Variants in PRKRIP1 observed in about 807,000 individuals in gnomAD.
The protein encoded by PRKRIP1 is PRKR-interacting protein 1.
In PRKRIP1, 29 loss-of-function variants were observed where a neutral mutation model predicts 29.3. The ratio of observed to expected loss-of-function variants is 0.99; its 90% CI spans 0.74 to 1.35. The LOEUF (loss-of-function observed/expected upper bound fraction) is 1.35. Among genes scored for constraint, PRKRIP1 ranks in the 40% most tolerant of loss-of-function variants. The probability of loss-of-function intolerance (pLI) is 0.00; values close to 1 mark genes in which losing one functional copy is unlikely to be tolerated. For missense variants in PRKRIP1, 247 were observed against 236.8 expected (o/e 1.04, Z -0.28); for synonymous variants, 90 against 85.1 (o/e 1.06, Z -0.32).
At chr7:102,396,582 C>T (rs782247526) in intron 1 of PRKRIP1, 45 bp downstream of exon 1, 20 of 1,582,020 alleles carry the variant, frequency 1.3e-5, no homozygotes, top group South Asian at 3.4e-5. Context: ...GGCCCACCCC[C>T]TTCCTCTGCA....
intron 3 of PRKRIP1, 86 bp from the exon 4 acceptor site, chr7:102,404,512 C>T: frequency 9.1e-7 from 1 of 1,095,404 alleles, no homozygotes; most frequent in Non-Finnish European, 1.4e-6. Flanking sequence ...GGTGTGACTT[C>T]TAGAACTCTC....
intron 5 of PRKRIP1, among the ~76,000 whole-genome samples, chr7:102,422,181 TTATTATTATC>T (rs1796712820): frequency 1.4e-5 from 2 of 142,664 alleles, no homozygotes; most frequent in Non-Finnish European, 3.1e-5. Flanking sequence ...ATTATTATGA[TTATTATTATC>T]AGAGACGGAT....
chr7:102,415,753 C>G (rs1454783695), intron 5 of PRKRIP1, among the ~76,000 whole-genome samples: 1 of 152,216 alleles, frequency 6.6e-6, no homozygotes, highest in Non-Finnish European at 1.5e-5. Context: ...GTGATGGCAC[C>G]CACAAAGCTG....
chr7:102,402,958 T>C (rs1796112922), intron 3 of PRKRIP1, among the ~76,000 whole-genome samples: 1 of 151,992 alleles, frequency 6.6e-6, no homozygotes, highest in Non-Finnish European at 1.5e-5. Context: ...TGCTGCAGCC[T>C]CTGCCTCCTG....
chr7:102,420,781 G>A (rs187048213), intron 5 of PRKRIP1, among the ~76,000 whole-genome samples: 67 of 152,242 alleles, frequency 4.4e-4, no homozygotes, highest in African/African-American at 1.5e-3. Flanking sequence ...CTGACATGAC[G>A]CTCCAAGTAG....
intron 4 of PRKRIP1, among the ~76,000 whole-genome samples, chr7:102,407,115 C>T (rs573813034): frequency 6.6e-6 from 1 of 151,160 alleles, no homozygotes; most frequent in Admixed American, 6.6e-5. Flanking sequence ...CTCAGGAGGC[C>T]GAGGCAGGAG....
At chr7:102,403,465 C>G (rs1202718353) in intron 3 of PRKRIP1, among the ~76,000 whole-genome samples, 2 of 152,290 alleles carry the variant, frequency 1.3e-5, no homozygotes, top group South Asian at 2.1e-4. Flanking sequence ...AGAGATGACA[C>G]TTTGAATCAG....
At chr7:102,416,278 T>G (rs1490280267) in intron 5 of PRKRIP1, among the ~76,000 whole-genome samples, 1 of 152,236 alleles carries the variant, frequency 6.6e-6, no homozygotes, top group Non-Finnish European at 1.5e-5. Context: ...TACAGAGCGT[T>G]CTCATATATC....
intron 2 of PRKRIP1, among the ~76,000 whole-genome samples, chr7:102,399,177 C>T (rs988224898): frequency 6.6e-6 from 1 of 152,150 alleles, no homozygotes; most frequent in African/African-American, 2.4e-5. Flanking sequence ...GATTGTTCTA[C>T]ATATACAACT....
At chr7:102,414,522 T>A (rs1796478804) in intron 5 of PRKRIP1, among the ~76,000 whole-genome samples, 1 of 152,240 alleles carries the variant, frequency 6.6e-6, no homozygotes, top group Admixed American at 6.5e-5. Flanking sequence ...GTAGATTGAT[T>A]CCAGTACTTG....
chr7:102,409,110 G>T (rs758282801), intron 5 of PRKRIP1, among the ~76,000 whole-genome samples: 8 of 152,054 alleles, frequency 5.3e-5, no homozygotes, highest in Non-Finnish European at 1.2e-4. Flanking sequence ...GGAGGCAGAG[G>T]TTGCAGTGAG....
At chr7:102,401,255 C>G (rs781998561) in intron 3 of PRKRIP1, among the ~76,000 whole-genome samples, 1 of 152,134 alleles carries the variant, frequency 6.6e-6, no homozygotes, top group Non-Finnish European at 1.5e-5. Flanking sequence ...TAAAGAAAAT[C>G]CAGCACAACA....
chr7:102,419,845 T>TTGTGTGTGTG (rs56752508), intron 5 of PRKRIP1, among the ~76,000 whole-genome samples: 20 of 142,818 alleles, frequency 1.4e-4, no homozygotes, highest in African/African-American at 4.6e-4. Flanking sequence ...TTTTGTGTTT[T>TTGTGTGTGTG]TGTGTGTGTG....
chr7:102,396,654 A>G (rs1795907658), intron 1 of PRKRIP1, 117 bp downstream of exon 1: 1 of 1,119,878 alleles, frequency 8.9e-7, no homozygotes, highest in African/African-American at 1.6e-5. Flanking sequence ...TCAGTATCCG[A>G]CCCTCCAAGA....
chr7:102,403,587 C>T (rs1277289616), intron 3 of PRKRIP1, among the ~76,000 whole-genome samples: 1 of 152,220 alleles, frequency 6.6e-6, no homozygotes, highest in East Asian at 1.9e-4. Context: ...ACCTCTGCCT[C>T]TTGGGTTCAA....
rs1271274675 is a variant in PRKRIP1, at chr7:102,425,291, A to G, written c.*180A>G. ...GGCAGGTTTGGGAGCCTGAGGGGCC[A>G]TCTCCCTGACACTCAGAGGCACTGC... is the stretch of plus-strand genomic sequence containing the variant. On this transcript the variant is annotated 3_prime_UTR_variant, in exon 6 of 6. Transcript: ENST00000397912. 3 of 1,305,042 alleles carry G rather than the reference A, an allele frequency of 2.3e-6. No individual in the cohort carries two copies. The highest frequency in any genetic ancestry group is 5.2e-5 in the East Asian group (2 of 38,374). 80.8% of individuals were successfully genotyped at this position (1,305,042 alleles called of 1,614,324 possible).
intron 3 of PRKRIP1, among the ~76,000 whole-genome samples, chr7:102,403,813 G>T (rs782690150): frequency 6.6e-6 from 1 of 152,206 alleles, no homozygotes; most frequent in Admixed American, 6.6e-5. Context: ...ATCTGTGTGG[G>T]TGTGGGTGTG....
At chr7:102,422,143 AATTATTATT>A (rs34497895) in intron 5 of PRKRIP1, among the ~76,000 whole-genome samples, 1 of 133,384 alleles carries the variant, frequency 7.5e-6, no homozygotes, top group African/African-American at 2.8e-5. Context: ...TCATACACAA[AATTATTATT>A]ATTATTATTA....
intron 3 of PRKRIP1, among the ~76,000 whole-genome samples, chr7:102,402,984 A>G (rs182625870): frequency 1.3e-5 from 2 of 151,516 alleles, no homozygotes; most frequent in African/African-American, 4.8e-5. Flanking sequence ...AAGCAATTCT[A>G]GTGTCTCAGC....
Sources: gnomAD v4.1 joint callset for allele counts (sites outside exome capture counted in the v4.1 genomes callset) on GRCh38, gnomAD v4.1.1 for gene constraint, MANE v1.5 for transcripts, NCBI Gene and HGNC (gene_info 2026-07-23, HGNC 2026-07-21) for gene names.